The following BACH2 variants were observed in gnomAD, a reference collection of about 807,000 sequenced individuals.
BACH2 encodes transcription regulator protein BACH2.
BACH2 carries 5 observed loss-of-function variants against 61.8 expected under a neutral mutation model. That is an observed-to-expected ratio of 0.08 (90% CI 0.04 to 0.17). BACH2 has a LOEUF of 0.17. BACH2 is among the 10% of genes least tolerant of loss of function. The pLI is 1.00. For synonymous variants in BACH2, 446 were observed against 440.1 expected (o/e 1.01, Z -0.17); for missense variants, 824 against 1,091.1 (o/e 0.76, Z 3.45).
chr6:90,054,149 G>A (rs1237285404), intron 5 of BACH2, among the ~76,000 whole-genome samples: 2 of 152,212 alleles, frequency 1.3e-5, no homozygotes, highest in Admixed American at 6.5e-5. Flanking sequence ...CACCGTGCAC[G>A]AGCCAAAGCA....
chr6:90,291,996 C>T (rs191479082), intron 1 of BACH2, among the ~76,000 whole-genome samples: 2 of 152,298 alleles, frequency 1.3e-5, no homozygotes, highest in East Asian at 3.8e-4. Flanking sequence ...AGATTTACAG[C>T]GTCTGCTATC....
At chr6:90,091,420 GA>G (rs1331522631) in intron 4 of BACH2, among the ~76,000 whole-genome samples, 1 of 152,032 alleles carries the variant, frequency 6.6e-6, no homozygotes, top group African/African-American at 2.4e-5. Context: ...ATACACACTT[GA>G]AAAAAGAAAC....
At chr6:89,961,668 G>C (rs1338245702) in intron 6 of BACH2, among the ~76,000 whole-genome samples, 1 of 152,172 alleles carries the variant, frequency 6.6e-6, no homozygotes, top group East Asian at 1.9e-4. Flanking sequence ...CCTTCTAATG[G>C]TTCTTCATGT....
chr6:89,964,563 T>C (rs1255121770), intron 6 of BACH2, among the ~76,000 whole-genome samples: 1 of 152,254 alleles, frequency 6.6e-6, no homozygotes, highest in Non-Finnish European at 1.5e-5. Flanking sequence ...TCTTCTCATG[T>C]GTACTCTTAT....
chr6:90,069,180 G>T (rs1035678630), intron 5 of BACH2, among the ~76,000 whole-genome samples: 2 of 152,144 alleles, frequency 1.3e-5, no homozygotes, highest in African/African-American at 4.8e-5. Flanking sequence ...ATTCACTTCA[G>T]TATCTGCCCC....
chr6:90,112,023 G>A (rs1255318133), intron 4 of BACH2, among the ~76,000 whole-genome samples: 2 of 152,116 alleles, frequency 1.3e-5, no homozygotes, highest in South Asian at 2.1e-4. Flanking sequence ...GTAATTCTCC[G>A]TCACTAGTAC....
intron 4 of BACH2, among the ~76,000 whole-genome samples, chr6:90,107,209 TA>T (rs1398518708): frequency 2.0e-5 from 3 of 151,872 alleles, no homozygotes; most frequent in Non-Finnish European, 4.4e-5. Context: ...CCGTCTCTAC[TA>T]AAAATACAAA....
At chr6:90,064,127 A>G (rs1290032724) in intron 5 of BACH2, among the ~76,000 whole-genome samples, 1 of 152,238 alleles carries the variant, frequency 6.6e-6, no homozygotes, top group Non-Finnish European at 1.5e-5. Flanking sequence ...TCTCCAGAAG[A>G]GTGCAATGCA....
At chr6:89,956,076 C>A (rs1484742965) in intron 6 of BACH2, among the ~76,000 whole-genome samples, 1 of 152,196 alleles carries the variant, frequency 6.6e-6, no homozygotes, top group Non-Finnish European at 1.5e-5. Flanking sequence ...TCAGCAGTGG[C>A]CTCAAGGTAT....
chr6:90,033,278 A>T (rs1779099529), intron 5 of BACH2, among the ~76,000 whole-genome samples: 1 of 151,830 alleles, frequency 6.6e-6, no homozygotes, highest in Admixed American at 6.6e-5. Flanking sequence ...TACTGGATGC[A>T]GCACACCAAC....
At chr6:90,262,470 G>A (rs1417251513) in intron 2 of BACH2, among the ~76,000 whole-genome samples, 3 of 152,182 alleles carry the variant, frequency 2.0e-5, no homozygotes, top group Non-Finnish European at 2.9e-5. Flanking sequence ...GCGTGCACAT[G>A]ATTCCAGGAC....
chr6:89,950,955 T>C lies in BACH2; in HGVS notation c.1151A>G (p.Asp384Gly). ...KGITQGDLKTDYTPFTGNYGQ... is the reference protein window; with the variant it reads ...KGITQGDLKTGYTPFTGNYGQ... ...ATAATTCCCTGTGAAAGGGGTGTAGTCAGTTTTAAGGTCACCCTGAGTGAT... is the reference window on the plus strand; with the variant it reads ...ATAATTCCCTGTGAAAGGGGTGTAGCCAGTTTTAAGGTCACCCTGAGTGAT... The change falls in exon 7 of 9, where the codon GAC (aspartate) becomes GGC (glycine). Residue 384 changes from aspartate (D) to glycine (G), a missense_variant. This residue lies in a region of BACH2 where 226 missense variants were observed against 228.5 expected (regional missense o/e 0.99). Transcript: ENST00000257749. The surrounding 1 kb of genome is among the most constrained non-coding windows in gnomAD (Gnocchi z 5.3). 6.4e-7 allele frequency: 1 copy of C among 1,572,262 alleles called. No homozygotes were observed. Among genetic ancestry groups the C allele is most frequent in the African/African-American group, 1.4e-5 (1 of 73,930 alleles).
chr6:90,145,738 C>T (rs542681655), intron 4 of BACH2, among the ~76,000 whole-genome samples: 3 of 152,266 alleles, frequency 2.0e-5, no homozygotes, highest in Middle Eastern at 3.4e-3. Context: ...CTCCCTCTGA[C>T]GAATTTGGAC....
intron 5 of BACH2, among the ~76,000 whole-genome samples, chr6:90,026,600 G>A (rs1484650272): frequency 2.6e-5 from 4 of 151,996 alleles, no homozygotes; most frequent in African/African-American, 7.2e-5. Context: ...TGGGGGTGGG[G>A]GTTACCTCCA....
chr6:90,259,361 A>G (rs1771085035), intron 2 of BACH2, among the ~76,000 whole-genome samples: 1 of 152,196 alleles, frequency 6.6e-6, no homozygotes, highest in South Asian at 2.1e-4. Flanking sequence ...TGTTAATGCA[A>G]TGTATCACTA....
At chr6:90,198,916 C>T (rs1419549784) in intron 4 of BACH2, among the ~76,000 whole-genome samples, 1 of 152,132 alleles carries the variant, frequency 6.6e-6, no homozygotes, top group East Asian at 1.9e-4. Flanking sequence ...CTTTCCCATG[C>T]TGTTCTTGTG....
intron 4 of BACH2, among the ~76,000 whole-genome samples, chr6:90,192,196 T>C (rs1181454395): frequency 6.6e-6 from 1 of 152,196 alleles, no homozygotes; most frequent in Non-Finnish European, 1.5e-5. Context: ...GTTTTCAGAC[T>C]GCAACTACTT....
intron 5 of BACH2, among the ~76,000 whole-genome samples, chr6:90,017,511 C>CTG (rs1350545522): frequency 2.0e-5 from 3 of 152,296 alleles, no homozygotes; most frequent in African/African-American, 7.2e-5. Context: ...CTTGAGTCAT[C>CTG]ATGCCTAGCC....
intron 4 of BACH2, among the ~76,000 whole-genome samples, chr6:90,108,249 G>A (rs1440424748): frequency 1.3e-5 from 2 of 152,166 alleles, no homozygotes; most frequent in Non-Finnish European, 2.9e-5. Flanking sequence ...TCAAGGGAAT[G>A]ATTGGTATTA....
Sources: gnomAD v4.1 joint callset for allele counts (sites outside exome capture counted in the v4.1 genomes callset) on GRCh38, gnomAD v4.1.1 for gene constraint, gnomAD v4.1.1 regional missense constraint, Gnocchi (gnomAD v3.1) non-coding constraint, MANE v1.5 for transcripts, NCBI Gene and HGNC (gene_info 2026-07-23, HGNC 2026-07-21) for gene names.